The following HPD variants were observed in gnomAD, a reference collection of about 807,000 sequenced individuals.
HPD encodes 4-hydroxyphenylpyruvate dioxygenase.
Under a neutral mutation model 56.9 loss-of-function variants are expected in HPD, and 35 were observed. That is an observed-to-expected ratio of 0.62 (90% confidence interval 0.47 to 0.82). The LOEUF (loss-of-function observed/expected upper bound fraction) is 0.82. HPD is among the 40% of genes least tolerant of loss of function. The probability of loss-of-function intolerance (pLI) is 0.00; values close to 1 mark genes in which losing one functional copy is unlikely to be tolerated. For synonymous variants in HPD, 186 were observed against 200.2 expected (o/e 0.93, Z 0.60); for missense variants, 442 against 506.8 (o/e 0.87, Z 1.23).
intron 12 of HPD, among the ~76,000 whole-genome samples, chr12:121,842,360 G>C (rs1483950335): frequency 6.6e-6 from 1 of 151,768 alleles, no homozygotes. Flanking sequence ...TAAACTCCTG[G>C]CCTCAAGCAA....
chr12:121,849,794 C>G lies in HPD; in HGVS notation c.415-4G>C. On this transcript the variant is annotated splice_region_variant and splice_polypyrimidine_tract_variant and intron_variant, in intron 7 of 13. Transcript: ENST00000289004. ...GGGTGTGTGTGGTGTCCCCATACTA[C>G]GGGTGGAAAACAGCCTGGCTCGGCC... 6.2e-7 allele frequency: 1 copy of G among 1,606,354 alleles called. No individual in the cohort carries two copies. Among genetic ancestry groups the G allele is most frequent in the Non-Finnish European group, 8.5e-7 (1 of 1,173,420 alleles).
At chr12:121,866,223 C>T (rs1878322689), upstream of HPD, among the ~76,000 whole-genome samples, 1 of 151,180 alleles carries the variant, frequency 6.6e-6, no homozygotes, top group Non-Finnish European at 1.5e-5. Context: ...ATGGTGTGAA[C>T]TCGGGAGGCA....
the HPD span, among the ~76,000 whole-genome samples, chr12:121,883,453 TGGA>T: frequency 1.3e-5 from 2 of 151,508 alleles, no homozygotes; most frequent in African/African-American, 4.9e-5. Flanking sequence ...GGAGTAGAGG[TGGA>T]GGAGATGGGT....
chr12:121,861,399 G>A (rs1471593018), upstream of HPD, among the ~76,000 whole-genome samples: 1 of 151,832 alleles, frequency 6.6e-6, no homozygotes, highest in Non-Finnish European at 1.5e-5. Context: ...CAGCTACTTG[G>A]GAGGCTGAGG....
At chr12:121,879,482 G>GTTCTGTTCTGTTCTC in the HPD span, among the ~76,000 whole-genome samples, 384 of 148,010 alleles carry the variant, frequency 2.6e-3, 1 homozygote, top group African/African-American at 9.0e-3. Context: ...TTTCTCTTCT[G>GTTCTGTTCTGTTCTC]TTCTCTTCTC....
Position 121,839,582 on chromosome 12 carries a change from G to T in HPD, c.*146C>A. ...CTGGAGCAGAGGGCGGCCCCGCCGA[G>T]GGGCGTGGTCAGTGTGGGCGGAGCC... On this transcript the variant is annotated 3_prime_UTR_variant, in exon 14 of 14. Coordinates refer to ENST00000289004, the MANE Select transcript of HPD (RefSeq NM_002150.3). 1 of 675,460 alleles carries T rather than the reference G, an allele frequency of 1.5e-6. No individual in the cohort carries two copies. Among genetic ancestry groups the T allele is most frequent in the South Asian group, 1.6e-5 (1 of 62,180 alleles). The allele number at this position is 675,460 out of a possible 1,614,324, so 41.8% of individuals were successfully genotyped here.
intron 7 of HPD, among the ~76,000 whole-genome samples, chr12:121,851,690 T>TTTGAGACAG (rs1877780149): frequency 3.6e-4 from 2 of 5,622 alleles, no homozygotes; most frequent in African/African-American, 1.6e-3. Context: ...TTCATTTATT[T>TTTGAGACAG]ATTTATTTAT....
chr12:121,853,696 C>A (rs1877890906), intron 7 of HPD, among the ~76,000 whole-genome samples: 1 of 151,342 alleles, frequency 6.6e-6, no homozygotes, highest in Non-Finnish European at 1.5e-5. Flanking sequence ...GTAATCCCAG[C>A]ACTTTGGGAG....
upstream of HPD, among the ~76,000 whole-genome samples, chr12:121,860,483 G>A (rs1878145840): frequency 6.6e-6 from 1 of 152,210 alleles, no homozygotes; most frequent in Non-Finnish European, 1.5e-5. Flanking sequence ...GTCCCATGCT[G>A]GGTGCACCCC....
At chr12:121,880,650 A>G in the HPD span, among the ~76,000 whole-genome samples, 1 of 152,148 alleles carries the variant, frequency 6.6e-6, no homozygotes, top group Non-Finnish European at 1.5e-5. Context: ...ATTAATAAGT[A>G]TCTTATTACT....
At chr12:121,842,850 T>C (rs1266517619) in intron 12 of HPD, among the ~76,000 whole-genome samples, 1 of 148,502 alleles carries the variant, frequency 6.7e-6, no homozygotes, top group Admixed American at 7.0e-5. Context: ...CGGGTTCAAG[T>C]GATTCTCCTG....
upstream of HPD, among the ~76,000 whole-genome samples, chr12:121,863,369 C>T (rs11043222): frequency 0.12 from 18,713 of 152,206 alleles, 1,389 homozygotes; most frequent in Admixed American, 0.2. Flanking sequence ...TCACAGGGAC[C>T]GTGATCCTTC....
At chr12:121,885,543 C>G in the HPD span, among the ~76,000 whole-genome samples, 3 of 151,998 alleles carry the variant, frequency 2.0e-5, no homozygotes, top group East Asian at 3.9e-4. Context: ...TAAATTGCCT[C>G]TCTTAACCCT....
chr12:121,877,094 C>CAA, the HPD span, among the ~76,000 whole-genome samples: 12 of 117,754 alleles, frequency 1.0e-4, no homozygotes, highest in East Asian at 2.8e-4. Context: ...ACTCCATCTC[C>CAA]AAAAAAAAAA....
At chr12:121,883,783 T>G in the HPD span, among the ~76,000 whole-genome samples, 1 of 151,218 alleles carries the variant, frequency 6.6e-6, no homozygotes, top group Non-Finnish European at 1.5e-5. Flanking sequence ...CCTCCCAAAG[T>G]GCTAGGATTA....
chr12:121,882,303 C>T, the HPD span, among the ~76,000 whole-genome samples: 7 of 152,110 alleles, frequency 4.6e-5, no homozygotes, highest in East Asian at 1.9e-4. Flanking sequence ...AACCAGGTCT[C>T]GCCAGGGATC....
chr12:121,871,248 C>T, the HPD span, among the ~76,000 whole-genome samples: 1 of 151,960 alleles, frequency 6.6e-6, no homozygotes, highest in South Asian at 2.1e-4. Flanking sequence ...ACCTGTAGTC[C>T]TAGCTGCTCA....
At chr12:121,866,505 A>G (rs1301372834), upstream of HPD, among the ~76,000 whole-genome samples, 1 of 151,994 alleles carries the variant, frequency 6.6e-6, no homozygotes, top group Non-Finnish European at 1.5e-5. Context: ...AGTACAAAAC[A>G]TGCCAACGGT....
chr12:121,850,003 T>C (rs1253164807), intron 7 of HPD: 4 of 577,256 alleles, frequency 6.9e-6, no homozygotes, highest in Non-Finnish European at 9.6e-6. Context: ...ACTGTTTTGC[T>C]CATGATGGTG....
Sources: allele counts gnomAD v4.1 joint callset (sites outside exome capture counted in the v4.1 genomes callset), GRCh38; gene constraint gnomAD v4.1.1; transcripts MANE v1.5; gene names NCBI Gene and HGNC (gene_info 2026-07-23, HGNC 2026-07-21).